The following MTMR12 variants were observed in gnomAD, a reference collection of about 807,000 sequenced individuals.
MTMR12 encodes the protein myotubularin-related protein 12.
A neutral mutation model predicts 96.7 loss-of-function variants in MTMR12; 33 were observed. The ratio of observed to expected loss-of-function variants is 0.34; its 90% CI spans 0.26 to 0.46. The LOEUF is 0.46. Ranked by LOEUF, MTMR12 falls within the 20% of genes least tolerant of loss-of-function variation. The pLI, the probability that MTMR12 is intolerant of heterozygous loss-of-function variation, is 1.00. For synonymous variants in MTMR12, 298 were observed against 327.2 expected, an observed-to-expected ratio of 0.91 and a Z score of 0.96; for missense variants, 721 against 896.1, an observed-to-expected ratio of 0.80 and a Z score of 2.49.
At chr5:32,274,415 C>A (rs1749969833) in intron 2 of MTMR12, among the ~76,000 whole-genome samples, 1 of 152,066 alleles carries the variant, frequency 6.6e-6, no homozygotes. Flanking sequence ...TACTAATGAT[C>A]TGAGCTGCAC....
At chr5:32,239,835 C>T (rs1156871790) in intron 12 of MTMR12, among the ~76,000 whole-genome samples, 1 of 152,220 alleles carries the variant, frequency 6.6e-6, no homozygotes, top group East Asian at 1.9e-4. Flanking sequence ...ACAAACTCTC[C>T]TTGGTCTACT....
Position 32,229,937 on chromosome 5 carries a change from C to G in MTMR12, c.2085G>C (p.Leu695=), listed in dbSNP as rs1747926032. ...QQAPQAEAPC[L]LRNSARLSSL... ...ACGAGAGGCGGGCAGAGTTCCTCAG[C>G]AGGCAGGGGGCCTCAGCCTGGGGGG... Residue 695 remains leucine (L), a synonymous_variant, in exon 16 of 16, where the codon CTG becomes CTC. Transcript: ENST00000382142. The G allele has an allele frequency of 6.2e-7, 1 of 1,612,028 alleles. No homozygotes were observed. The highest frequency in any genetic ancestry group is 1.7e-5 in the Admixed American group (1 of 59,778).
chr5:32,248,570 TA>T (rs1027153031), intron 9 of MTMR12, among the ~76,000 whole-genome samples: 2 of 152,176 alleles, frequency 1.3e-5, no homozygotes, highest in African/African-American at 4.8e-5. Flanking sequence ...CGTGCACCTC[TA>T]AAAACGACGC....
chr5:32,270,205 A>C (rs1371589514), intron 5 of MTMR12, among the ~76,000 whole-genome samples: 1 of 149,454 alleles, frequency 6.7e-6, no homozygotes, highest in African/African-American at 2.5e-5. Context: ...ACTCGGTCTC[A>C]AAAAAAAAAG....
At chr5:32,268,865 G>T in intron 5 of MTMR12, 71 bp from the exon 6 acceptor site, 1 of 1,295,152 alleles carries the variant, frequency 7.7e-7, no homozygotes, top group Non-Finnish European at 1.1e-6. Context: ...CAAGAGTCAA[G>T]GTGTCTAAGT....
At chr5:32,294,493 G>T (rs1026001298) in intron 1 of MTMR12, among the ~76,000 whole-genome samples, 4 of 151,974 alleles carry the variant, frequency 2.6e-5, no homozygotes, top group Admixed American at 2.6e-4. Flanking sequence ...TAGAGACAGG[G>T]TTTCACCACG....
rs1554053329 is a variant in MTMR12 at position 32,228,516 on chromosome 5, A to AAATATATCATATATATGAT, written c.*1261_*1262insATCATATATATGATATATT. The AAATATATCATATATATGAT allele has an allele frequency of 2.8e-5, 3 of 108,224 alleles. No individual in the cohort carries two copies. The highest frequency in any genetic ancestry group is 3.2e-5 in the African/African-American group (1 of 31,586). The allele number at this position is 108,224 out of a possible 1,614,324, so 6.7% of individuals were successfully genotyped here. The stretch of plus-strand genomic sequence containing the variant: ...AAGTATACTTTCCTGCATTAAAAAA[A>AAATATATCATATATATGAT]ATATATATCATATATATGATATATA... On this transcript the variant is annotated 3_prime_UTR_variant, in exon 16 of 16. Transcript: ENST00000382142.
chr5:32,309,316 C>T (rs1302531940), intron 1 of MTMR12, among the ~76,000 whole-genome samples: 5 of 152,112 alleles, frequency 3.3e-5, no homozygotes, highest in African/African-American at 1.2e-4. Context: ...CAAAAAAAGA[C>T]ATAAAGAATA....
chr5:32,264,652 G>A (rs949727468), intron 6 of MTMR12, among the ~76,000 whole-genome samples: 3 of 151,890 alleles, frequency 2.0e-5, no homozygotes, highest in African/African-American at 7.3e-5. Context: ...GTAGAGACGG[G>A]GTTTCACCAT....
chr5:32,269,502 G>A (rs936392226), intron 5 of MTMR12, among the ~76,000 whole-genome samples: 7 of 151,894 alleles, frequency 4.6e-5, no homozygotes, highest in East Asian at 3.9e-4. Context: ...ACAGGGTTTC[G>A]CCATGTTGGT....
At chr5:32,303,590 A>G (rs1329359314) in intron 1 of MTMR12, among the ~76,000 whole-genome samples, 1 of 152,138 alleles carries the variant, frequency 6.6e-6, no homozygotes, top group East Asian at 1.9e-4. Flanking sequence ...TCCATCATAA[A>G]CTTGATTCAG....
intron 1 of MTMR12, among the ~76,000 whole-genome samples, chr5:32,281,366 T>A (rs1193377737): frequency 1.3e-5 from 2 of 152,156 alleles, no homozygotes; most frequent in African/African-American, 4.8e-5. Flanking sequence ...AATTCTTTTT[T>A]CTGTGGATCA....
intron 7 of MTMR12, among the ~76,000 whole-genome samples, chr5:32,257,387 T>C (rs1463067196): frequency 6.6e-6 from 1 of 152,132 alleles, no homozygotes; most frequent in Non-Finnish European, 1.5e-5. Flanking sequence ...AAATTGGCCA[T>C]CAGTTGATAA....
chr5:32,247,538 C>T (rs1024105338), intron 10 of MTMR12, among the ~76,000 whole-genome samples: 1 of 152,174 alleles, frequency 6.6e-6, no homozygotes, highest in African/African-American at 2.4e-5. Context: ...CTACTTTGTA[C>T]ATTTCTGGTA....
intron 1 of MTMR12, among the ~76,000 whole-genome samples, chr5:32,293,558 T>C (rs1051364007): frequency 6.6e-6 from 1 of 152,176 alleles, no homozygotes; most frequent in African/African-American, 2.4e-5. Flanking sequence ...TCCAGATATA[T>C]ATAGGAGATA....
chr5:32,288,286 C>T (rs1197596190), intron 1 of MTMR12, among the ~76,000 whole-genome samples: 1 of 152,124 alleles, frequency 6.6e-6, no homozygotes, highest in Non-Finnish European at 1.5e-5. Context: ...GCTTCCCCAT[C>T]CCCAGTAGTG....
chr5:32,303,754 T>A (rs1349588596), intron 1 of MTMR12, among the ~76,000 whole-genome samples: 1 of 145,508 alleles, frequency 6.9e-6, no homozygotes, highest in African/African-American at 2.6e-5. Flanking sequence ...GTGGGCATCA[T>A]CCTAACAAAG....
intron 8 of MTMR12, among the ~76,000 whole-genome samples, chr5:32,255,298 T>C (rs930611330): frequency 3.3e-5 from 5 of 152,216 alleles, no homozygotes; most frequent in African/African-American, 1.2e-4. Flanking sequence ...CAGCACTCCA[T>C]GTTGTCTCTG....
chr5:32,283,297 CA>C (rs1750382593), intron 1 of MTMR12, among the ~76,000 whole-genome samples: 1 of 152,186 alleles, frequency 6.6e-6, no homozygotes, highest in Admixed American at 6.5e-5. Flanking sequence ...CTGTGAACGC[CA>C]AAGTCTACTG....
Sources: allele counts gnomAD v4.1 joint callset (sites outside exome capture counted in the v4.1 genomes callset), GRCh38; gene constraint gnomAD v4.1.1; transcripts MANE v1.5; gene names NCBI Gene and HGNC (gene_info 2026-07-23, HGNC 2026-07-21).